The following KRTAP10-5 variants were observed in gnomAD, a reference collection of about 807,000 sequenced individuals.
KRTAP10-5 encodes keratin associated protein 10-5.
For missense variants in KRTAP10-5, 370 were observed against 351.2 expected, an observed-to-expected ratio of 1.05 and a Z score of -0.43; for synonymous variants, 157 against 151.9, an observed-to-expected ratio of 1.03 and a Z score of -0.25.
In KRTAP10-5 at chr21:44,580,362, A is replaced by T. The variant is rs200259844; in HGVS notation, c.217T>A (p.Cys73Ser). The T allele has an allele frequency of 4.8e-5, 77 of 1,613,548 alleles. 1 individual carries two copies. The highest frequency in any genetic ancestry group is 3.8e-5 in the Non-Finnish European group (45 of 1,179,938). ...SGCTSSCTPSCCQPACCASSP... is the reference protein window; with the variant it reads ...SGCTSSCTPSSCQPACCASSP... ...GAGGCGCAGCAAGCCGGCTGGCAGC[A>T]CGAGGGCGTGCAGGAGCTGGTGCAG... Residue 73 changes from cysteine to serine, a missense_variant, in exon 1 of 1, where the codon TGC (cysteine) becomes AGC (serine). By Grantham distance (112) the Cys-to-Ser change is moderately radical (BLOSUM62 -1). Coordinates refer to ENST00000400372, the MANE Select transcript of KRTAP10-5 (RefSeq NM_198694.3).
rs368081757 is a variant in KRTAP10-5, at chr21:44,580,505, C to G, written c.74G>C (p.Ser25Thr). The G allele has an allele frequency of 1.9e-6, 3 of 1,613,532 alleles. No individual in the cohort carries two copies. In the African/African-American group the frequency reaches 4.0e-5, roughly 22 times the overall value. ...GGTGCCGCAGGGGGGCTCACAGCAG[C>G]TCTCTGGGCAGTCGTCCACTCGCCA... ...DSWRVDDCPE[S>T]CCEPPCGTAP... The change falls in exon 1 of 1, where the codon AGC becomes ACC. Residue 25 changes from serine (S) to threonine (T), a missense_variant. Coordinates refer to ENST00000400372, the MANE Select transcript of KRTAP10-5 (RefSeq NM_198694.3).
rs1555924909 is a variant in KRTAP10-5 at position 44,580,427 on chromosome 21, C to T, written c.152G>A (p.Cys51Tyr). 6.2e-7 allele frequency: 1 copy of T among 1,613,014 alleles called. No homozygotes were observed. Among genetic ancestry groups the T allele is most frequent in the Non-Finnish European group, 8.5e-7 (1 of 1,179,922 alleles). ...GCTGGGCTCACAGGCCGCCTGGCAG[C>T]AGGGGCTGGACACACAGCTCACTGG... is the stretch of plus-strand genomic sequence containing the variant. ...CTPVSCVSSP[C>Y]CQAACEPSPC... is the part of the protein sequence containing the mutation. Residue 51 changes from cysteine (C) to tyrosine (Y), a missense_variant, in exon 1 of 1, where the codon TGC becomes TAC. Coordinates refer to ENST00000400372, the MANE Select transcript of KRTAP10-5 (RefSeq NM_198694.3).
chr21:44,580,137 C>T lies in KRTAP10-5; in HGVS notation c.442G>A (p.Asp148Asn). The change falls in exon 1 of 1, where the codon GAT becomes AAT. Residue 148 changes from aspartate (D) to asparagine (N), a missense_variant. Asp to Asn is a conservative substitution (Grantham distance 23). Coordinates refer to ENST00000400372, the MANE Select transcript of KRTAP10-5 (RefSeq NM_198694.3). ...GAATGCTGGCAGCATGAAGAGGAAT[C>T]CTCAGAACAGGTGGGCACACAGCAC... The part of the protein sequence containing the change: ...PVCCVPTCSE[D>N]SSSCCQHSSC... 1 of 1,612,688 alleles carries T rather than the reference C, an allele frequency of 6.2e-7. No homozygotes were observed. Among genetic ancestry groups the T allele is most frequent in the Non-Finnish European group, 8.5e-7 (1 of 1,179,722 alleles).
rs1219687230 is a variant in KRTAP10-5 at position 44,579,694 on chromosome 21, C to T, written c.*69G>A. 3.9e-5 allele frequency: 60 copies of T among 1,555,736 alleles called. No homozygotes were observed. Among genetic ancestry groups the T allele is most frequent in the Admixed American group, 2.7e-4 (15 of 55,322 alleles). On this transcript the variant is annotated 3_prime_UTR_variant, in exon 1 of 1. Transcript: ENST00000400372. ...CCCAAGCGGGGGCAACCTCCTAACC[C>T]GAGTCAGGACCAGTTGGCCCTGGGG...
Position 44,579,565 on chromosome 21 carries a change from C to A in KRTAP10-5, c.*198G>T. On this transcript the variant is annotated 3_prime_UTR_variant, in exon 1 of 1. Coordinates refer to ENST00000400372, the MANE Select transcript of KRTAP10-5 (RefSeq NM_198694.3). ...CTGGGAGGGAGGACAGGGGACCCAACAGGCAGGTGGGCCCCTGCTGGGAGG... is the reference window on the plus strand; with the variant it reads ...CTGGGAGGGAGGACAGGGGACCCAAAAGGCAGGTGGGCCCCTGCTGGGAGG... 4 of 680,272 alleles carry A rather than the reference C, an allele frequency of 5.9e-6. No homozygotes were observed. The highest frequency in any genetic ancestry group is 2.0e-5 in the South Asian group (1 of 50,608). 42.1% of individuals were successfully genotyped at this position (680,272 alleles called of 1,614,324 possible). A position where few individuals can be genotyped will look rare whatever the true frequency, so the allele number is the denominator to read the frequency against.
rs782247137 is a variant in KRTAP10-5, at chr21:44,580,325, T to G, written c.254A>C (p.Gln85Pro). 1 of 1,613,902 alleles carries G rather than the reference T, an allele frequency of 6.2e-7. No homozygotes were observed. The highest frequency in any genetic ancestry group is 2.2e-5 in the East Asian group (1 of 44,866). ...GCAGACGGGCACGCAGCAGGCCTGC[T>G]GGCAGGGGGAGGAGGCGCAGCAAGC... ...QPACCASSPC[Q>P]QACCVPVCCK... is the part of the protein sequence containing the mutation. The change falls in exon 1 of 1, where the codon CAG (glutamine) becomes CCG (proline). Residue 85 changes from glutamine (Q) to proline (P), a missense_variant. Gln to Pro is a moderately conservative substitution (Grantham distance 76). Transcript: ENST00000400372.
chr21:44,579,656 A>T lies in KRTAP10-5; in HGVS notation c.*107T>A, dbSNP rs1978740543. ...ATGGAGGGGGGGGTCACCTCAGCACATGGGGGCCCCGTCCCAAGCGGGGGC... is the reference window on the plus strand; with the variant it reads ...ATGGAGGGGGGGGTCACCTCAGCACTTGGGGGCCCCGTCCCAAGCGGGGGC... On this transcript the variant is annotated 3_prime_UTR_variant, in exon 1 of 1. Transcript: ENST00000400372. 1 of 1,420,960 alleles carries T rather than the reference A, an allele frequency of 7.0e-7. No individual in the cohort carries two copies. Among genetic ancestry groups the T allele is most frequent in the Admixed American group, 2.1e-5 (1 of 47,180 alleles). 88.0% of individuals were successfully genotyped at this position (1,420,960 alleles called of 1,614,324 possible). A position where few individuals can be genotyped will look rare whatever the true frequency, so the allele number is the denominator to read the frequency against.
At position 44,580,558 on chromosome 21, in the gene KRTAP10-5, G is replaced by A. The variant is rs1285941923; in HGVS notation, c.21C>T (p.Ser7=). Residue 7 remains serine (S), a synonymous_variant, in exon 1 of 1, where the codon TCC becomes TCT. Transcript: ENST00000400372. MAACTM[S]VCSSACSDSW... ...AGTCAGAGCAAGCGCTGGAGCAGAC[G>A]GACATGGTGCACGCGGCCATGCTGG... 4.3e-5 allele frequency: 69 copies of A among 1,612,636 alleles called. No individual in the cohort carries two copies. The highest frequency in any genetic ancestry group is 6.7e-5 in the African/African-American group (5 of 74,926).
chr21:44,579,761 C>T lies in KRTAP10-5; in HGVS notation c.*2G>A. 1 of 1,609,462 alleles carries T rather than the reference C, an allele frequency of 6.2e-7. No individual in the cohort carries two copies. The highest frequency in any genetic ancestry group is 8.5e-7 in the Non-Finnish European group (1 of 1,177,708). Reference sequence around the variant, plus strand: ...ACTGGACTCCTGGCCTGAGCAGAGGCCTCAGCAGGCCAGGGGGGAGCACGC... The same window carrying T: ...ACTGGACTCCTGGCCTGAGCAGAGGTCTCAGCAGGCCAGGGGGGAGCACGC... On this transcript the variant is annotated 3_prime_UTR_variant, in exon 1 of 1. Coordinates refer to ENST00000400372, the MANE Select transcript of KRTAP10-5 (RefSeq NM_198694.3).
rs1978742102 is a variant in KRTAP10-5 at position 44,579,662 on chromosome 21, G to A, written c.*101C>T. ...GGGGGGGTCACCTCAGCACATGGGG[G>A]CCCCGTCCCAAGCGGGGGCAACCTC... On this transcript the variant is annotated 3_prime_UTR_variant, in exon 1 of 1. Transcript: ENST00000400372. 22 of 1,469,802 alleles carry A rather than the reference G, an allele frequency of 1.5e-5. No individual in the cohort carries two copies. In the South Asian group the frequency reaches 2.8e-4, roughly 19 times the overall value. 91.0% of individuals were successfully genotyped at this position (1,469,802 alleles called of 1,614,324 possible). A position where few individuals can be genotyped will look rare whatever the true frequency, so the allele number is the denominator to read the frequency against.
chr21:44,579,667 G>A lies in KRTAP10-5; in HGVS notation c.*96C>T, dbSNP rs1444175673. 1.9e-5 allele frequency: 29 copies of A among 1,497,150 alleles called. No homozygotes were observed. The highest frequency in any genetic ancestry group is 1.0e-4 in the Admixed American group (5 of 49,578). 92.7% of individuals were successfully genotyped at this position (1,497,150 alleles called of 1,614,324 possible). ...GGTCACCTCAGCACATGGGGGCCCC[G>A]TCCCAAGCGGGGGCAACCTCCTAAC... On this transcript the variant is annotated 3_prime_UTR_variant, in exon 1 of 1. Coordinates refer to ENST00000400372, the MANE Select transcript of KRTAP10-5 (RefSeq NM_198694.3).
rs587723129 is a variant in KRTAP10-5, at chr21:44,579,676, G to A, written c.*87C>T. On this transcript the variant is annotated 3_prime_UTR_variant, in exon 1 of 1. Transcript: ENST00000400372. The stretch of plus-strand genomic sequence containing the variant: ...AGCACATGGGGGCCCCGTCCCAAGC[G>A]GGGGCAACCTCCTAACCCGAGTCAG... The A allele has an allele frequency of 1.5e-3, 2,329 of 1,517,502 alleles. 6 individuals are homozygous for A. The highest frequency in any genetic ancestry group is 1.9e-3 in the Non-Finnish European group (2,157 of 1,132,780). The allele number at this position is 1,517,502 out of a possible 1,614,324, so 94.0% of individuals were successfully genotyped here. A position where few individuals can be genotyped will look rare whatever the true frequency, so the allele number is the denominator to read the frequency against.
Position 44,580,484 on chromosome 21 carries a change from C to A in KRTAP10-5, c.95G>T (p.Gly32Val), listed in dbSNP as rs1209946556. 6.2e-7 allele frequency: 1 copy of A among 1,613,074 alleles called. No homozygotes were observed. The highest frequency in any genetic ancestry group is 8.5e-7 in the Non-Finnish European group (1 of 1,179,858). ...GACCAGGGTCAGGCAGGGGGCGGTG[C>A]CGCAGGGGGGCTCACAGCAGCTCTC... ...CPESCCEPPC[G>V]TAPCLTLVCT... The change falls in exon 1 of 1, where the codon GGC becomes GTC. Residue 32 changes from glycine (G) to valine (V), a missense_variant. Gly to Val is a moderately radical substitution (Grantham distance 109). Coordinates refer to ENST00000400372, the MANE Select transcript of KRTAP10-5 (RefSeq NM_198694.3).
In KRTAP10-5 at chr21:44,580,583, G is replaced by T; in HGVS notation, c.-5C>A. ...GGACATGGTGCACGCGGCCATGCTG[G>T]GGTGGGGAAGACGTGAGCTGGGAGC... On this transcript the variant is annotated 5_prime_UTR_variant, in exon 1 of 1. Transcript: ENST00000400372. 1 of 1,604,684 alleles carries T rather than the reference G, an allele frequency of 6.2e-7. No individual in the cohort carries two copies. The highest frequency in any genetic ancestry group is 8.5e-7 in the Non-Finnish European group (1 of 1,175,464).
At chr21:44,580,602 TGGGA>T (rs1555924993) in exon 1 of KRTAP10-5, 2 of 1,592,646 alleles carry the variant, frequency 1.3e-6, no homozygotes, top group African/African-American at 2.7e-5. Context: ...AGACGTGAGC[TGGGA>T]GCTGGGGGAG....
Position 44,580,480 on chromosome 21 carries a change from G to A in KRTAP10-5, c.99C>T (p.Thr33=), listed in dbSNP as rs782425609. Residue 33 remains threonine (T), a synonymous_variant, in exon 1 of 1, where the codon ACC becomes ACT. Transcript: ENST00000400372. The part of the protein sequence containing the change: ...PESCCEPPCG[T]APCLTLVCTP... ...TGCAGACCAGGGTCAGGCAGGGGGC[G>A]GTGCCGCAGGGGGGCTCACAGCAGC... 42 of 1,613,174 alleles carry A rather than the reference G, an allele frequency of 2.6e-5. No individual in the cohort carries two copies. The highest frequency in any genetic ancestry group is 1.8e-4 in the East Asian group (8 of 44,886).
At position 44,579,594 on chromosome 21, in the gene KRTAP10-5, G is replaced by C; in HGVS notation, c.*169C>G. On this transcript the variant is annotated 3_prime_UTR_variant, in exon 1 of 1. Transcript: ENST00000400372. Reference sequence around the variant, plus strand: ...CAGGTGGGCCCCTGCTGGGAGGCAGGAGCTGGGGAGCTTCGAGGATGGAGA... The same window carrying C: ...CAGGTGGGCCCCTGCTGGGAGGCAGCAGCTGGGGAGCTTCGAGGATGGAGA... 1 of 845,876 alleles carries C rather than the reference G, an allele frequency of 1.2e-6. No homozygotes were observed. The highest frequency in any genetic ancestry group is 1.8e-6 in the Non-Finnish European group (1 of 560,454). 52.4% of individuals were successfully genotyped at this position (845,876 alleles called of 1,614,324 possible).
At position 44,579,658 on chromosome 21, in the gene KRTAP10-5, G is replaced by T; in HGVS notation, c.*105C>A. ...GGAGGGGGGGGTCACCTCAGCACATGGGGGCCCCGTCCCAAGCGGGGGCAA... is the reference window on the plus strand; with the variant it reads ...GGAGGGGGGGGTCACCTCAGCACATTGGGGCCCCGTCCCAAGCGGGGGCAA... On this transcript the variant is annotated 3_prime_UTR_variant, in exon 1 of 1. Coordinates refer to ENST00000400372, the MANE Select transcript of KRTAP10-5 (RefSeq NM_198694.3). The T allele has an allele frequency of 2.1e-6, 3 of 1,432,872 alleles. No homozygotes were observed. The highest frequency in any genetic ancestry group is 2.9e-5 in the African/African-American group (2 of 69,804). The allele number at this position is 1,432,872 out of a possible 1,614,324, so 88.8% of individuals were successfully genotyped here.
Position 44,580,342 on chromosome 21 carries a change from G to T in KRTAP10-5, c.237C>A (p.Cys79Ter). The change falls in exon 1 of 1, where the codon TGC becomes TGA. Residue 79 changes from cysteine to a stop codon, truncating the protein, a stop_gained. Transcript: ENST00000400372. LOFTEE classifies it low-confidence loss of function (END_TRUNC). ...CTPSCCQPAC[C>*]ASSPCQQACC... ...AGGCCTGCTGGCAGGGGGAGGAGGC[G>T]CAGCAAGCCGGCTGGCAGCACGAGG... 6.2e-7 allele frequency: 1 copy of T among 1,613,920 alleles called. No individual in the cohort carries two copies. The highest frequency in any genetic ancestry group is 8.5e-7 in the Non-Finnish European group (1 of 1,180,008).
Sources: gnomAD v4.1 joint callset for allele counts on GRCh38, gnomAD v4.1.1 for gene constraint, MANE v1.5 for transcripts, NCBI Gene and HGNC (gene_info 2026-07-23, HGNC 2026-07-21) for gene names.